Variants in EIF2B1 observed in about 807,000 individuals in gnomAD.
EIF2B1 encodes translation initiation factor eIF2B subunit alpha.
A neutral mutation model predicts 36.8 loss-of-function variants in EIF2B1; 30 were observed. The ratio of observed to expected loss-of-function variants is 0.81; its 90% CI spans 0.61 to 1.10. The LOEUF is 1.10. Ranked by LOEUF, EIF2B1 falls within the 50% of genes least tolerant of loss-of-function variation. The probability of loss-of-function intolerance (pLI) is 0.00; values close to 1 mark genes in which losing one functional copy is unlikely to be tolerated. For missense variants in EIF2B1, 271 were observed against 374.8 expected (o/e 0.72, Z 2.29); for synonymous variants, 139 against 142.2 (o/e 0.98, Z 0.16).
intron 6 of EIF2B1, 110 bp downstream of exon 6, chr12:123,626,315 G>T: frequency 7.7e-7 from 1 of 1,305,386 alleles, no homozygotes; most frequent in Non-Finnish European, 1.1e-6. Flanking sequence ...GAAGTAGGAC[G>T]CTACCTGGTG....
chr12:123,624,537 G>A (rs951759337), intron 7 of EIF2B1, among the ~76,000 whole-genome samples: 2 of 152,058 alleles, frequency 1.3e-5, no homozygotes, highest in East Asian at 1.9e-4. Context: ...TAGGATTACA[G>A]GTATAAGGCA....
At chr12:123,625,201 AT>A (rs1186830358) in intron 6 of EIF2B1, among the ~76,000 whole-genome samples, 1 of 152,082 alleles carries the variant, frequency 6.6e-6, no homozygotes, top group Non-Finnish European at 1.5e-5. Flanking sequence ...ACCAAACAAA[AT>A]TTTAAAATCT....
rs4040224 is a variant in EIF2B1 at position 123,632,945 on chromosome 12, C to CAAAAAAAA, written c.14-507_14-500dup. On this transcript the variant is annotated intron_variant, in intron 1 of 8. Coordinates refer to ENST00000424014, the MANE Select transcript of EIF2B1 (RefSeq NM_001414.4). Reference sequence around the variant, plus strand: ...TGGGTGACAGAGCGAGACTCCGTCTCAAAAAAAAAAAAAAAAAAGCTACTG... The same window carrying CAAAAAAAA: ...TGGGTGACAGAGCGAGACTCCGTCTCAAAAAAAAAAAAAAAAAAAAAAAAAAGCTACTG... Among the ~76,000 whole-genome samples the CAAAAAAAA allele has an allele frequency of 5.2e-3, 392 of 74,992 alleles. 4 individuals carry two copies. The highest frequency in any genetic ancestry group is 0.017 in the African/African-American group (284 of 16,382). 49.2% of individuals were successfully genotyped at this position (74,992 alleles called of 152,430 possible).
At chr12:123,624,915 C>T (rs1404794624) in intron 6 of EIF2B1, 53 bp from the exon 7 acceptor site, 1 of 1,462,104 alleles carries the variant, frequency 6.8e-7, no homozygotes, top group Non-Finnish European at 9.6e-7. Flanking sequence ...TAACGAGTAG[C>T]ATCATCATCT....
intron 6 of EIF2B1, among the ~76,000 whole-genome samples, chr12:123,625,414 G>C (rs1339028414): frequency 6.6e-6 from 1 of 152,008 alleles, no homozygotes; most frequent in Non-Finnish European, 1.5e-5. Context: ...CCATGCCCTA[G>C]AGATGGGGTT....
intron 2 of EIF2B1, 46 bp downstream of exon 2, chr12:123,632,299 A>C: frequency 7.9e-7 from 1 of 1,266,358 alleles, no homozygotes; most frequent in East Asian, 2.3e-5. Flanking sequence ...AAGAAAAAAA[A>C]GACTATCCTA....
At chr12:123,633,127 T>C (rs570916099) in intron 1 of EIF2B1, among the ~76,000 whole-genome samples, 1 of 150,416 alleles carries the variant, frequency 6.6e-6, no homozygotes, top group East Asian at 1.9e-4. Context: ...TACATGTCTA[T>C]TCACATACAC....
In EIF2B1 at chr12:123,630,424, G is replaced by A. The variant is rs1003540837; in HGVS notation, c.225C>T (p.Phe75=). 1.1e-5 allele frequency: 17 copies of A among 1,614,018 alleles called. No homozygotes were observed. The highest frequency in any genetic ancestry group is 1.4e-5 in the Non-Finnish European group (17 of 1,180,036). ...AGTATTCCAGGGAGGCAAGACTGAT[G>A]AAGCGGAGGAAGAGCTCCCCGCCAG... The part of the protein sequence containing the change: ...VSSGGELFLR[F]ISLASLEYSD... Residue 75 remains phenylalanine, a synonymous_variant, in exon 3 of 9, where the codon TTC becomes TTT. Coordinates refer to ENST00000424014, the MANE Select transcript of EIF2B1 (RefSeq NM_001414.4). This position sits in a 1 kb window ranked among gnomAD's most constrained non-coding sequence, Gnocchi z 4.6.
chr12:123,628,784 C>A (rs1470321033), intron 4 of EIF2B1, among the ~76,000 whole-genome samples: 1 of 152,152 alleles, frequency 6.6e-6, no homozygotes, highest in Non-Finnish European at 1.5e-5. Flanking sequence ...GGTTCGTGGA[C>A]CCTAGCCCAA....
intron 7 of EIF2B1, 92 bp from the exon 8 acceptor site, chr12:123,622,853 G>A (rs1295784503): frequency 1.9e-6 from 3 of 1,585,584 alleles, no homozygotes; most frequent in Non-Finnish European, 2.6e-6. Flanking sequence ...GTGCATGCCT[G>A]TATTCCAGCA....
intron 2 of EIF2B1, among the ~76,000 whole-genome samples, chr12:123,631,099 T>C (rs774530920): frequency 6.6e-6 from 1 of 152,220 alleles, no homozygotes; most frequent in Non-Finnish European, 1.5e-5. Context: ...ATATTCCCTG[T>C]AGCATCTGTA....
At chr12:123,627,462 C>G (rs1955157471) in intron 4 of EIF2B1, among the ~76,000 whole-genome samples, 2 of 152,180 alleles carry the variant, frequency 1.3e-5, no homozygotes, top group Admixed American at 6.6e-5. Context: ...TTTCCTATTT[C>G]TAAGACATGG....
In EIF2B1 at chr12:123,621,540, A is replaced by T. The variant is rs752329421; in HGVS notation, c.*216T>A. 1.6e-6 allele frequency: 1 copy of T among 606,656 alleles called. No individual in the cohort carries two copies. The highest frequency in any genetic ancestry group is 2.9e-6 in the Non-Finnish European group (1 of 348,520). The allele number at this position is 606,656 out of a possible 1,614,324, so 37.6% of individuals were successfully genotyped here. ...AAAAGGAAAGTTTCTAGAAACCGTAAGAACAATTTAAGTTGGGATTTAGAA... is the reference window on the plus strand; with the variant it reads ...AAAAGGAAAGTTTCTAGAAACCGTATGAACAATTTAAGTTGGGATTTAGAA... On this transcript the variant is annotated 3_prime_UTR_variant, in exon 9 of 9. Coordinates refer to ENST00000424014, the MANE Select transcript of EIF2B1 (RefSeq NM_001414.4).
In EIF2B1 at chr12:123,632,331, G is replaced by T; in HGVS notation, c.115+14C>A. ...CCTAAGTCCCAGAGTGTTAACAGAT[G>T]ACTCTCTATATACCTTTATCTCTCT... On this transcript the variant is annotated intron_variant, in intron 2 of 8. Coordinates refer to ENST00000424014, the MANE Select transcript of EIF2B1 (RefSeq NM_001414.4). The T allele has an allele frequency of 4.2e-6, 6 of 1,429,836 alleles. No individual in the cohort carries two copies. The highest frequency in any genetic ancestry group is 5.9e-6 in the Non-Finnish European group (6 of 1,014,548). The allele number at this position is 1,429,836 out of a possible 1,614,324, so 88.6% of individuals were successfully genotyped here. A position where few individuals can be genotyped will look rare whatever the true frequency, so the allele number is the denominator to read the frequency against.
chr12:123,624,264 T>TC (rs1459903365), intron 7 of EIF2B1, among the ~76,000 whole-genome samples: 4 of 149,034 alleles, frequency 2.7e-5, no homozygotes, highest in East Asian at 1.9e-4. Context: ...CACTTTTTTT[T>TC]TTTTTTTTTT....
intron 6 of EIF2B1, chr12:123,626,132 C>CA: frequency 2.4e-6 from 1 of 408,386 alleles, no homozygotes; most frequent in East Asian, 5.2e-5. Context: ...GACTCCATCT[C>CA]AAAAAAACAA....
chr12:123,631,994 G>A (rs1955193557), intron 2 of EIF2B1, among the ~76,000 whole-genome samples: 1 of 150,632 alleles, frequency 6.6e-6, no homozygotes, highest in East Asian at 2.0e-4. Flanking sequence ...AAACGGCCGG[G>A]CACAGTGGCT....
At chr12:123,629,723 G>A (rs1246023169) in intron 4 of EIF2B1, among the ~76,000 whole-genome samples, 1 of 152,188 alleles carries the variant, frequency 6.6e-6, no homozygotes, top group African/African-American at 2.4e-5. Flanking sequence ...AACCCAGGAG[G>A]CGGAGCTTGC....
intron 5 of EIF2B1, 58 bp from the exon 6 acceptor site, chr12:123,626,551 A>G: frequency 6.3e-7 from 1 of 1,578,960 alleles, no homozygotes; most frequent in Non-Finnish European, 8.7e-7. Context: ...ACAGTGATGT[A>G]TGTCACCTAA....
Sources: allele counts gnomAD v4.1 joint callset (sites outside exome capture counted in the v4.1 genomes callset), GRCh38; gene constraint gnomAD v4.1.1; non-coding constraint Gnocchi (gnomAD v3.1); transcripts MANE v1.5; gene names NCBI Gene and HGNC (gene_info 2026-07-23, HGNC 2026-07-21).